Variants in HBS1L observed in about 807,000 individuals in gnomAD.
HBS1L encodes the protein HBS1-like protein.
A neutral mutation model predicts 88.9 loss-of-function variants in HBS1L; 55 were observed. The observed-to-expected ratio is 0.62, with a 90% CI of 0.50 to 0.77. The LOEUF is 0.77. Ranked by LOEUF, HBS1L falls within the 30% of genes least tolerant of loss-of-function variation. The pLI is 0.00. For missense variants in HBS1L, 741 were observed against 829.3 expected, an observed-to-expected ratio of 0.89 and a Z score of 1.31; for synonymous variants, 267 against 288.5, an observed-to-expected ratio of 0.93 and a Z score of 0.76.
chr6:134,999,437 CT>C (rs765473104), intron 5 of HBS1L, among the ~76,000 whole-genome samples: 10 of 140,036 alleles, frequency 7.1e-5, no homozygotes, highest in African/African-American at 2.6e-4. Flanking sequence ...TTAAGTAAAT[CT>C]TTTTCTTTTC....
chr6:135,009,783 G>A (rs190536695), intron 4 of HBS1L, among the ~76,000 whole-genome samples: 2,154 of 150,006 alleles, frequency 0.014, 69 homozygotes, highest in African/African-American at 0.05. Flanking sequence ...ACAGGTGCCC[G>A]CCACTGCGCC....
chr6:135,005,694 A>G lies in HBS1L; in HGVS notation c.431-2852T>C, dbSNP rs766853879. ...TGAATAAATTACGAAGAGATCATCAATATTTTAGAGTTTCTGAGAAGGTAG... is the reference window on the plus strand; with the variant it reads ...TGAATAAATTACGAAGAGATCATCAGTATTTTAGAGTTTCTGAGAAGGTAG... On this transcript the variant is annotated intron_variant, in intron 4 of 17. Transcript: ENST00000367837. Among the ~76,000 whole-genome samples the G allele has an allele frequency of 1.1e-4, 16 of 152,258 alleles. No homozygotes were observed. In the South Asian group the frequency reaches 1.2e-3, roughly 12 times the overall value.
chr6:135,053,900 T>A, intron 1 of HBS1L, among the ~76,000 whole-genome samples: 1 of 152,354 alleles, frequency 6.6e-6, no homozygotes, highest in East Asian at 1.9e-4. Flanking sequence ...TACAGAACAT[T>A]CATACAGACA....
chr6:135,024,809 C>T (rs9385714), intron 4 of HBS1L, among the ~76,000 whole-genome samples: 19,830 of 151,958 alleles, frequency 0.13, 1,567 homozygotes, highest in East Asian at 0.27. Context: ...CCAGAAGAGG[C>T]TAATTTTATG....
At chr6:135,021,688 A>G (rs1236096164) in intron 4 of HBS1L, among the ~76,000 whole-genome samples, 2 of 152,180 alleles carry the variant, frequency 1.3e-5, no homozygotes, top group East Asian at 1.9e-4. Context: ...TTACAGAATA[A>G]AAGTTTGTTG....
At chr6:134,975,389 C>G (rs1359189546) in intron 15 of HBS1L, among the ~76,000 whole-genome samples, 1 of 152,084 alleles carries the variant, frequency 6.6e-6, no homozygotes, top group Non-Finnish European at 1.5e-5. Flanking sequence ...TCATTTTCCA[C>G]AAGATTAGAA....
rs921888272 is a variant in HBS1L, at chr6:134,969,471, C to G, written c.1798-133G>C. On this transcript the variant is annotated intron_variant, in intron 15 of 17. Transcript: ENST00000367837. ...CTTTCAGGATCTCCAGTTGCTTCCTCTAAGTCCCACCACTCTAATCAGGTG... is the reference window on the plus strand; with the variant it reads ...CTTTCAGGATCTCCAGTTGCTTCCTGTAAGTCCCACCACTCTAATCAGGTG... 6.3e-6 allele frequency: 4 copies of G among 637,514 alleles called. No homozygotes were observed. The African/African-American group carries it at 7.3e-5, about 12-fold the overall frequency. 39.5% of individuals were successfully genotyped at this position (637,514 alleles called of 1,614,324 possible).
intron 4 of HBS1L, among the ~76,000 whole-genome samples, chr6:135,008,672 A>G (rs1215205578): frequency 6.6e-6 from 1 of 152,130 alleles, no homozygotes; most frequent in African/African-American, 2.4e-5. Context: ...ATGCAAAGGT[A>G]GATCTCTCTC....
At chr6:134,974,650 C>CAAA (rs71006747) in intron 15 of HBS1L, among the ~76,000 whole-genome samples, 2 of 146,702 alleles carry the variant, frequency 1.4e-5, no homozygotes. Context: ...CAATTAAAAG[C>CAAA]AAAAAAAAAA....
At chr6:135,054,183 G>T (rs1172127232) in intron 1 of HBS1L, among the ~76,000 whole-genome samples, 1 of 152,188 alleles carries the variant, frequency 6.6e-6, no homozygotes, top group African/African-American at 2.4e-5. Flanking sequence ...TACACAAAAG[G>T]TTTACCATGT....
chr6:135,044,733 T>A (rs1315972726), intron 2 of HBS1L, among the ~76,000 whole-genome samples: 4 of 152,166 alleles, frequency 2.6e-5, no homozygotes, highest in Non-Finnish European at 5.9e-5. Context: ...TAAACTGTAT[T>A]CAGTTTCGTC....
At chr6:135,052,074 C>A (rs1181330095) in intron 1 of HBS1L, among the ~76,000 whole-genome samples, 4 of 152,170 alleles carry the variant, frequency 2.6e-5, no homozygotes, top group African/African-American at 9.7e-5. Context: ...ATATCCAAAC[C>A]AATTCCAAAG....
At chr6:134,992,442 T>C (rs566483995) in intron 8 of HBS1L, among the ~76,000 whole-genome samples, 2 of 152,316 alleles carry the variant, frequency 1.3e-5, no homozygotes, top group East Asian at 1.9e-4. Flanking sequence ...GCGCTGCCAA[T>C]TGTATAAAAG....
At chr6:135,002,984 T>G in intron 4 of HBS1L, 142 bp from the exon 5 acceptor site, 1 of 532,228 alleles carries the variant, frequency 1.9e-6, no homozygotes, top group South Asian at 2.5e-5. Context: ...TAAAAAAATT[T>G]AGTAAGATAT....
At chr6:134,972,942 T>C (rs1012892911) in intron 15 of HBS1L, among the ~76,000 whole-genome samples, 1 of 152,172 alleles carries the variant, frequency 6.6e-6, no homozygotes, top group Non-Finnish European at 1.5e-5. Context: ...ACTTGTTATT[T>C]AATGTGTTGA....
intron 4 of HBS1L, among the ~76,000 whole-genome samples, chr6:135,023,683 G>T (rs1776139885): frequency 6.6e-6 from 1 of 152,082 alleles, no homozygotes; most frequent in Non-Finnish European, 1.5e-5. Context: ...AAAGGAAAAT[G>T]ATATATAACA....
chr6:135,021,051 C>T (rs1776057739), intron 4 of HBS1L, among the ~76,000 whole-genome samples: 3 of 151,962 alleles, frequency 2.0e-5, no homozygotes, highest in Admixed American at 2.0e-4. Flanking sequence ...GCTGTGAATG[C>T]TGGTTCTATC....
chr6:134,967,421 G>A (rs1774347806), intron 16 of HBS1L, among the ~76,000 whole-genome samples: 2 of 152,148 alleles, frequency 1.3e-5, no homozygotes, highest in Non-Finnish European at 2.9e-5. Flanking sequence ...TACATAAATG[G>A]CTTGTTCCTA....
At chr6:135,035,375 G>A (rs185942618) in intron 4 of HBS1L, among the ~76,000 whole-genome samples, 276 of 151,894 alleles carry the variant, frequency 1.8e-3, no homozygotes, top group African/African-American at 6.0e-3. Context: ...ACTTGAACCC[G>A]GGAGGCGGAG....
Sources: allele counts gnomAD v4.1 joint callset (sites outside exome capture counted in the v4.1 genomes callset), GRCh38; gene constraint gnomAD v4.1.1; transcripts MANE v1.5; gene names NCBI Gene and HGNC (gene_info 2026-07-23, HGNC 2026-07-21).